Variants in IQGAP2 observed in about 807,000 individuals in gnomAD.
The protein encoded by IQGAP2 is IQ motif containing GTPase activating protein 2.
Under a neutral mutation model 201.3 loss-of-function variants are expected in IQGAP2, and 173 were observed. The ratio of observed to expected loss-of-function variants is 0.86; its 90% CI spans 0.76 to 0.98. IQGAP2 has a LOEUF of 0.98. Ranked by LOEUF, IQGAP2 falls within the 50% of genes least tolerant of loss-of-function variation. The probability of loss-of-function intolerance (pLI) is 0.00; values close to 1 mark genes in which losing one functional copy is unlikely to be tolerated. For missense variants in IQGAP2, 1,687 were observed against 1,864.8 expected (o/e 0.90, Z 1.76); for synonymous variants, 675 against 673.9 (o/e 1.00, Z -0.03).
intron 14 of IQGAP2, chr5:76,628,840 G>T (rs935418639): frequency 2.5e-6 from 1 of 397,132 alleles, no homozygotes; most frequent in African/African-American, 2.1e-5. Flanking sequence ...AAATAATGAA[G>T]TGGAGGTGTG....
At chr5:76,495,009 T>C (rs1056081641) in intron 2 of IQGAP2, among the ~76,000 whole-genome samples, 5 of 152,130 alleles carry the variant, frequency 3.3e-5, no homozygotes, top group African/African-American at 1.2e-4. Context: ...GGAGGCAGTA[T>C]CTCCCTGCAG....
chr5:76,707,339 C>A lies in IQGAP2; in HGVS notation c.*26C>A, dbSNP rs913902800. ...AGTGCCTACAGAAATTTCTTGGATT[C>A]TGTATCATCTGGATTAGGAAATGAA... On this transcript the variant is annotated 3_prime_UTR_variant, in exon 36 of 36. Coordinates refer to ENST00000274364, the MANE Select transcript of IQGAP2 (RefSeq NM_006633.5). 1 of 946,848 alleles carries A rather than the reference C, an allele frequency of 1.1e-6. No individual in the cohort carries two copies. Among genetic ancestry groups the A allele is most frequent in the Non-Finnish European group, 1.7e-6 (1 of 577,740 alleles). The allele number at this position is 946,848 out of a possible 1,614,324, so 58.7% of individuals were successfully genotyped here. A position where few individuals can be genotyped will look rare whatever the true frequency, so the allele number is the denominator to read the frequency against.
intron 27 of IQGAP2, among the ~76,000 whole-genome samples, chr5:76,676,419 C>G (rs532421963): frequency 9.2e-5 from 14 of 152,324 alleles, no homozygotes; most frequent in Admixed American, 2.0e-4. Flanking sequence ...GAGGTCATTT[C>G]TGGTACATAA....
chr5:76,435,117 T>C (rs955995457), intron 1 of IQGAP2, among the ~76,000 whole-genome samples: 6 of 152,072 alleles, frequency 3.9e-5, no homozygotes, highest in African/African-American at 7.2e-5. Flanking sequence ...CTTTGTTGTA[T>C]GCATAGTTTG....
At chr5:76,477,849 A>C (rs1755536531) in intron 2 of IQGAP2, among the ~76,000 whole-genome samples, 1 of 149,096 alleles carries the variant, frequency 6.7e-6, no homozygotes, top group African/African-American at 2.5e-5. Flanking sequence ...TTTGTGTCTT[A>C]GTTTATAGCA....
chr5:76,695,835 C>CT (rs56984768), intron 32 of IQGAP2, among the ~76,000 whole-genome samples, 169 bp downstream of exon 32: 22,821 of 82,366 alleles, frequency 0.28, 3,994 homozygotes, highest in South Asian at 0.36. Flanking sequence ...CAGTTGATGA[C>CT]TTTTTTTTTT....
At chr5:76,414,969 C>T (rs78478889) in intron 1 of IQGAP2, among the ~76,000 whole-genome samples, 1 of 152,208 alleles carries the variant, frequency 6.6e-6, no homozygotes, top group East Asian at 1.9e-4. Context: ...GTGTACCTTT[C>T]TCTGCTAAGC....
chr5:76,453,268 T>C (rs1230082031), intron 1 of IQGAP2, among the ~76,000 whole-genome samples: 1 of 152,148 alleles, frequency 6.6e-6, no homozygotes, highest in South Asian at 2.1e-4. Context: ...ATATGCAAAA[T>C]ATGTGATGTA....
intron 7 of IQGAP2, among the ~76,000 whole-genome samples, chr5:76,590,168 G>A (rs530028334): frequency 2.6e-4 from 40 of 152,322 alleles, no homozygotes; most frequent in African/African-American, 8.4e-4. Flanking sequence ...CTTCATTTTA[G>A]CCATTCAGTG....
rs185766884 is a variant in IQGAP2 at position 76,424,494 on chromosome 5, G to T, written c.46+20903G>T. 4.7e-3 allele frequency among the ~76,000 whole-genome samples: 706 copies of T among 151,734 alleles called. 2 individuals carry two copies. The highest frequency in any genetic ancestry group is 6.3e-3 in the Non-Finnish European group (425 of 67,862). On this transcript the variant is annotated intron_variant, in intron 1 of 35. Coordinates refer to ENST00000274364, the MANE Select transcript of IQGAP2 (RefSeq NM_006633.5). ...GGCTCATTTTGTATTTTTAGTAGAG[G>T]TGGGGTTTCACCATGTTGGTCAGGC...
In IQGAP2 at chr5:76,567,457, G is replaced by A. The variant is rs929813818; in HGVS notation, c.304-3123G>A. Among the ~76,000 whole-genome samples the A allele has an allele frequency of 2.6e-5, 4 of 152,320 alleles. No individual in the cohort carries two copies. The South Asian group carries it at 6.2e-4, about 24-fold the overall frequency. ...ACAGATCCTCAATGTAATAACAACAGTATCTGCCTTTGTGGAGATATTGTG... is the reference window on the plus strand; with the variant it reads ...ACAGATCCTCAATGTAATAACAACAATATCTGCCTTTGTGGAGATATTGTG... On this transcript the variant is annotated intron_variant, in intron 3 of 35. Transcript: ENST00000274364.
intron 15 of IQGAP2, 116 bp from the exon 16 acceptor site, chr5:76,636,918 G>T (rs1189840326): frequency 3.8e-6 from 3 of 793,154 alleles, no homozygotes; most frequent in East Asian, 5.9e-5. Context: ...TGATGCCTTT[G>T]GCTGTCTGAA....
Position 76,677,212 on chromosome 5 carries a change from T to C in IQGAP2, c.3528-6T>C, listed in dbSNP as rs758058320. The C allele has an allele frequency of 1.2e-6, 2 of 1,611,980 alleles. No homozygotes were observed. The highest frequency in any genetic ancestry group is 1.7e-6 in the Non-Finnish European group (2 of 1,179,058). On this transcript the variant is annotated splice_polypyrimidine_tract_variant and splice_region_variant and intron_variant, in intron 27 of 35. Transcript: ENST00000274364. ...TCTGTCTTAAGACTTTTCCCCCCTT[T>C]ATTAGGAAATATTTCAAAGAAGCAT...
At chr5:76,685,186 A>C (rs1193670553) in intron 30 of IQGAP2, among the ~76,000 whole-genome samples, 1 of 152,176 alleles carries the variant, frequency 6.6e-6, no homozygotes. Context: ...AAGGCAGATG[A>C]AAATTTCAGG....
intron 22 of IQGAP2, among the ~76,000 whole-genome samples, chr5:76,665,435 G>A (rs1484988712): frequency 6.6e-6 from 1 of 152,186 alleles, no homozygotes; most frequent in African/African-American, 2.4e-5. Context: ...GCCAGTAAAT[G>A]ATAAAGCAGG....
In IQGAP2 at chr5:76,600,941, T is replaced by C; in HGVS notation, c.1201T>C (p.Leu401=). The part of the protein sequence containing the change: ...QNQLRSPAIG[L]NNLDKAYVER... ...TCAACTCAGAAGCCCCGCAATAGGCTTAAACAATCTGGACAAGGCATATGT... is the reference window on the plus strand; with the variant it reads ...TCAACTCAGAAGCCCCGCAATAGGCCTAAACAATCTGGACAAGGCATATGT... Residue 401 remains leucine, a synonymous_variant, in exon 11 of 36, where the codon TTA becomes CTA. Transcript: ENST00000274364. The C allele has an allele frequency of 6.2e-7, 1 of 1,614,098 alleles. No individual in the cohort carries two copies. Among genetic ancestry groups the C allele is most frequent in the Non-Finnish European group, 8.5e-7 (1 of 1,179,952 alleles).
intron 2 of IQGAP2, among the ~76,000 whole-genome samples, chr5:76,536,329 C>T (rs1387629622): frequency 2.0e-5 from 3 of 151,036 alleles, no homozygotes; most frequent in Non-Finnish European, 3.0e-5. Flanking sequence ...CCTCAGCCTC[C>T]CAAAGTGCGG....
intron 2 of IQGAP2, among the ~76,000 whole-genome samples, chr5:76,500,748 T>C (rs1016188830): frequency 1.1e-4 from 17 of 152,234 alleles, no homozygotes; most frequent in African/African-American, 4.1e-4. Context: ...TTTTCAATAA[T>C]GTCATCATTT....
intron 17 of IQGAP2, among the ~76,000 whole-genome samples, chr5:76,642,609 A>G (rs1335093978): frequency 6.6e-6 from 1 of 152,218 alleles, no homozygotes; most frequent in Non-Finnish European, 1.5e-5. Context: ...AAAAGGTGTC[A>G]TGCTAATCTC....
Sources: allele counts gnomAD v4.1 joint callset (sites outside exome capture counted in the v4.1 genomes callset), GRCh38; gene constraint gnomAD v4.1.1; transcripts MANE v1.5; gene names NCBI Gene and HGNC (gene_info 2026-07-23, HGNC 2026-07-21).